The following ZNF493 variants were observed in gnomAD, a reference collection of about 807,000 sequenced individuals.
The protein encoded by ZNF493 is zinc finger protein 493.
ZNF493 carries 11 observed loss-of-function variants against 12.2 expected under a neutral mutation model. The ratio of observed to expected loss-of-function variants is 0.90; its 90% confidence interval spans 0.57 to 1.50. The LOEUF is 1.50. Ranked by LOEUF, ZNF493 falls within the 40% of genes most tolerant of loss-of-function variation. ZNF493 has a pLI of 0.00. For missense variants in ZNF493, 950 were observed against 906.6 expected (o/e 1.05, Z -0.61); for synonymous variants, 286 against 302.6 (o/e 0.95, Z 0.57).
At chr19:21,419,510 G>A (rs1430612469) in intron 3 of ZNF493, among the ~76,000 whole-genome samples, 1 of 152,124 alleles carries the variant, frequency 6.6e-6, no homozygotes, top group Non-Finnish European at 1.5e-5. Context: ...GATGTTTGAG[G>A]GAAGGAAGAA....
chr19:21,407,858 T>C, intron 3 of ZNF493: 4 of 985,366 alleles, frequency 4.1e-6, no homozygotes, highest in Non-Finnish European at 4.8e-6. Flanking sequence ...TATGTTAAAA[T>C]AGAAACATTG....
rs567450642 is a variant in ZNF493 at position 21,424,579 on chromosome 19, G to C, written c.1920G>C (p.Arg640=). ...AAGAATGTGGCAAAGCTTTTAAGCG[G>C]TCCTCACACCTCGCTGGGCACAAGC... ...KCEECGKAFK[R]SSHLAGHKQI... Residue 640 remains arginine (R), a synonymous_variant, in exon 4 of 4, where the codon CGG becomes CGC. Transcript: ENST00000392288. 5 of 1,600,918 alleles carry C rather than the reference G, an allele frequency of 3.1e-6. No individual in the cohort carries two copies. In the South Asian group the frequency reaches 5.5e-5, roughly 18 times the overall value.
chr19:21,405,563 C>A, intron 2 of ZNF493, 198 bp from the exon 3 acceptor site: 1 of 1,235,538 alleles, frequency 8.1e-7, no homozygotes, highest in African/African-American at 1.6e-5. Flanking sequence ...AATTTTTTAT[C>A]CATGAATACT....
rs138674538 is a variant in ZNF493 at position 21,397,241 on chromosome 19, C to T, written c.4C>T (p.Pro2Ser). The T allele has an allele frequency of 1.2e-6, 2 of 1,614,196 alleles. No individual in the cohort carries two copies. The highest frequency in any genetic ancestry group is 1.1e-5 in the South Asian group (1 of 91,090). MPGPPESLDMGP... is the reference protein window; with the variant it reads MSGPPESLDMGP... ...TACTGGGAAATCCATAGCTAAGATG[C>T]CAGGACCCCCTGAAAGCCTAGACAT... The change falls in exon 1 of 4, where the codon CCA (proline) becomes TCA (serine). Residue 2 changes from proline to serine, a missense_variant. By Grantham distance (74) the Pro-to-Ser change is moderately conservative. Coordinates refer to ENST00000392288, the MANE Select transcript of ZNF493 (RefSeq NM_001076678.3).
intron 3 of ZNF493, among the ~76,000 whole-genome samples, chr19:21,418,528 C>T (rs1293632842): frequency 6.6e-6 from 1 of 152,160 alleles, no homozygotes; most frequent in Non-Finnish European, 1.5e-5. Context: ...TGATGGACGC[C>T]ACTTGCTGAG....
At chr19:21,405,106 G>T in intron 1 of ZNF493, 23 bp from the exon 2 acceptor site, 1 of 1,609,180 alleles carries the variant, frequency 6.2e-7, no homozygotes. Flanking sequence ...GTGTGTGTGT[G>T]TGTTTGTGTG....
chr19:21,401,657 A>G (rs1300284977), intron 1 of ZNF493, among the ~76,000 whole-genome samples: 1 of 151,188 alleles, frequency 6.6e-6, no homozygotes, highest in South Asian at 2.1e-4. Flanking sequence ...AGACAGTCTC[A>G]CTCTGTCGCC....
At chr19:21,410,091 T>TGCGC (rs1555730609) in intron 3 of ZNF493, among the ~76,000 whole-genome samples, 1 of 144,472 alleles carries the variant, frequency 6.9e-6, no homozygotes, top group Admixed American at 7.0e-5. Flanking sequence ...TATATATATA[T>TGCGC]GCAACACTTT....
chr19:21,419,388 G>A (rs1245032351), intron 3 of ZNF493, among the ~76,000 whole-genome samples: 2 of 152,076 alleles, frequency 1.3e-5, no homozygotes, highest in Non-Finnish European at 2.9e-5. Flanking sequence ...TGTATAAAGG[G>A]GAGTTTATTT....
intron 3 of ZNF493, among the ~76,000 whole-genome samples, chr19:21,420,591 T>TATATATA (rs2030628079): frequency 1.9e-4 from 2 of 10,682 alleles, no homozygotes; most frequent in African/African-American, 9.3e-4. Flanking sequence ...ACTCACTTGA[T>TATATATA]TATATATATA....
chr19:21,424,007 AAACAT>A lies in ZNF493; in HGVS notation c.1351_1355del (p.His451AsnfsTer12). On this transcript the variant is annotated frameshift_variant, in exon 4 of 4. Transcript: ENST00000392288. LOFTEE classifies it low-confidence loss of function (END_TRUNC). ...CTTTAGTGTATTCTCAATTCTTACT[AAACAT>A]AAAATAATTCATACAGAAGAGAAAC... is the stretch of plus-strand genomic sequence containing the variant. The A allele has an allele frequency of 1.2e-6, 2 of 1,613,436 alleles. No homozygotes were observed. The highest frequency in any genetic ancestry group is 2.7e-5 in the African/African-American group (2 of 75,020).
intron 1 of ZNF493, 115 bp from the exon 2 acceptor site, chr19:21,405,014 C>T: frequency 6.7e-7 from 1 of 1,490,476 alleles, no homozygotes; most frequent in Non-Finnish European, 8.9e-7. Context: ...TCAGTCATTC[C>T]TGTAAGTCAG....
intron 1 of ZNF493, among the ~76,000 whole-genome samples, chr19:21,402,431 G>C (rs1568376823): frequency 6.6e-6 from 1 of 152,140 alleles, no homozygotes; most frequent in Non-Finnish European, 1.5e-5. Context: ...TGTTTCCTCA[G>C]TTTTTTCCTT....
At position 21,423,158 on chromosome 19, in the gene ZNF493, T is replaced by C; in HGVS notation, c.499T>C (p.Leu167=). The C allele has an allele frequency of 6.2e-7, 1 of 1,613,428 alleles. No homozygotes were observed. The highest frequency in any genetic ancestry group is 1.3e-5 in the African/African-American group (1 of 75,004). Residue 167 remains leucine (L), a synonymous_variant, in exon 4 of 4, where the codon TTA becomes CTA. Transcript: ENST00000392288. ...DKYVKVFHKL[L]NSNRHNTKHT... ...ATATGTGAAAGTCTTTCATAAACTT[T>C]TAAATTCAAATAGACATAACACAAA...
Position 21,399,199 on chromosome 19 carries a change from C to T in ZNF493, c.30+1932C>T, listed in dbSNP as rs190124406. Among the ~76,000 whole-genome samples the T allele has an allele frequency of 1.3e-3, 196 of 151,994 alleles. 1 individual carries two copies. The highest frequency in any genetic ancestry group is 4.1e-3 in the African/African-American group (171 of 41,448). On this transcript the variant is annotated intron_variant, in intron 1 of 3. Coordinates refer to ENST00000392288, the MANE Select transcript of ZNF493 (RefSeq NM_001076678.3). ...TTTTTATTTTTTTGTCTCACTCTGT[C>T]GCCCAGGCTGGAGTGCTGTGGCCCG...
intron 1 of ZNF493, among the ~76,000 whole-genome samples, chr19:21,400,425 G>A (rs1355285701): frequency 1.3e-5 from 2 of 151,874 alleles, no homozygotes; most frequent in Non-Finnish European, 2.9e-5. Context: ...AAAAATGTAA[G>A]CACCTTAAAA....
Position 21,425,239 on chromosome 19 carries a change from A to C in ZNF493, c.*255A>C. On this transcript the variant is annotated 3_prime_UTR_variant, in exon 4 of 4. Coordinates refer to ENST00000392288, the MANE Select transcript of ZNF493 (RefSeq NM_001076678.3). ...AATTAGTTCTCATCCCTTACTAAAC[A>C]TAAGAGAATTCATACCATAGAGAAA... The C allele has an allele frequency of 1.9e-6, 1 of 532,626 alleles. No individual in the cohort carries two copies. The highest frequency in any genetic ancestry group is 3.5e-6 in the Non-Finnish European group (1 of 288,548). 33.0% of individuals were successfully genotyped at this position (532,626 alleles called of 1,614,324 possible). A position where few individuals can be genotyped will look rare whatever the true frequency, so the allele number is the denominator to read the frequency against.
At chr19:21,401,964 T>TTTTA (rs747361479) in intron 1 of ZNF493, among the ~76,000 whole-genome samples, 3 of 149,646 alleles carry the variant, frequency 2.0e-5, no homozygotes, top group South Asian at 2.1e-4. Flanking sequence ...ATTTATTTCA[T>TTTTA]TTTATTTATT....
At position 21,426,157 on chromosome 19, in the gene ZNF493, TAAAAG is replaced by T. The variant is rs144922029; in HGVS notation, c.*1177_*1181del. On this transcript the variant is annotated 3_prime_UTR_variant, in exon 4 of 4. Coordinates refer to ENST00000392288, the MANE Select transcript of ZNF493 (RefSeq NM_001076678.3). The stretch of plus-strand genomic sequence containing the variant: ...ACAACATCTCAAACTTTTCTAATCA[TAAAAG>T]AAATCATATTGGTGAGAAATCCTAG... The T allele has an allele frequency of 0.028, 6,527 of 232,040 alleles. 199 individuals carry two copies. Among genetic ancestry groups the T allele is most frequent in the African/African-American group, 0.051 (2,224 of 43,222 alleles). The allele number at this position is 232,040 out of a possible 1,614,324, so 14.4% of individuals were successfully genotyped here. A position where few individuals can be genotyped will look rare whatever the true frequency, so the allele number is the denominator to read the frequency against.
Sources: gnomAD v4.1 joint callset for allele counts (sites outside exome capture counted in the v4.1 genomes callset) on GRCh38, gnomAD v4.1.1 for gene constraint, MANE v1.5 for transcripts, NCBI Gene and HGNC (gene_info 2026-07-23, HGNC 2026-07-21) for gene names.